Variants in PCDH9 observed in about 807,000 individuals in gnomAD.
PCDH9 encodes the protein protocadherin 9.
PCDH9 carries 24 observed loss-of-function variants against 70.6 expected under a neutral mutation model. The ratio of observed to expected loss-of-function variants is 0.34; its 90% CI spans 0.25 to 0.48. PCDH9 has a LOEUF of 0.48. PCDH9 is among the 20% of genes least tolerant of loss of function. The pLI, the probability that PCDH9 is intolerant of heterozygous loss-of-function variation, is 0.99. For missense variants in PCDH9, 1,281 were observed against 1,503.6 expected (o/e 0.85, Z 2.45); for synonymous variants, 562 against 558.5 (o/e 1.01, Z -0.09).
intron 3 of PCDH9, among the ~76,000 whole-genome samples, chr13:66,737,868 G>A (rs971000831): frequency 6.6e-6 from 1 of 152,110 alleles, no homozygotes; most frequent in Non-Finnish European, 1.5e-5. Flanking sequence ...CTCGTTGATT[G>A]CTAGCACAGC....
intron 2 of PCDH9, among the ~76,000 whole-genome samples, chr13:66,905,890 G>T (rs1478309807): frequency 6.6e-6 from 1 of 152,104 alleles, no homozygotes; most frequent in Non-Finnish European, 1.5e-5. Context: ...CAGGACAAGT[G>T]TTCACTCTAT....
intron 3 of PCDH9, among the ~76,000 whole-genome samples, chr13:66,881,363 C>T (rs551510907): frequency 1.1e-4 from 16 of 152,292 alleles, no homozygotes; most frequent in African/African-American, 3.9e-4. Flanking sequence ...TCACATCTTA[C>T]ATGGATGGCG....
rs137968533 is a variant in PCDH9, at chr13:67,121,881, GTTGTTTTT to G, written c.3036+103516_3036+103523del. Among the ~76,000 whole-genome samples the G allele has an allele frequency of 2.5e-3, 384 of 151,908 alleles. 1 individual carries two copies. The highest frequency in any genetic ancestry group is 8.9e-3 in the African/African-American group (370 of 41,408). On this transcript the variant is annotated intron_variant, in intron 2 of 4. Coordinates refer to ENST00000377865, the MANE Select transcript of PCDH9 (RefSeq NM_203487.3). ...CTAGCTCTAGATTTTTGTTTGTTTT[GTTGTTTTT>G]TTAAAATGGCATCCTTGATTATGAT...
chr13:66,635,028 A>G (rs1403179345), intron 3 of PCDH9, among the ~76,000 whole-genome samples: 2 of 152,094 alleles, frequency 1.3e-5, no homozygotes, highest in Non-Finnish European at 2.9e-5. Flanking sequence ...CAGAGGAAAA[A>G]GTGTTTACTT....
chr13:67,094,958 A>G (rs1225840377), intron 2 of PCDH9, among the ~76,000 whole-genome samples: 1 of 152,206 alleles, frequency 6.6e-6, no homozygotes, highest in Admixed American at 6.5e-5. Flanking sequence ...GCTGAAAAGC[A>G]ACCTATAGTT....
intron 2 of PCDH9, chr13:67,214,296 C>A (rs902203892): frequency 6.6e-6 from 1 of 152,154 alleles, no homozygotes; most frequent in Admixed American, 6.5e-5. Context: ...TACTTTGAGG[C>A]ATTTTAGCTG....
intron 3 of PCDH9, among the ~76,000 whole-genome samples, chr13:66,745,237 C>T (rs1017010648): frequency 3.3e-5 from 5 of 152,268 alleles, no homozygotes; most frequent in African/African-American, 9.6e-5. Flanking sequence ...ATGTCTTACC[C>T]ATTTGAATAT....
intron 3 of PCDH9, chr13:66,876,754 C>T (rs914410746): frequency 6.6e-6 from 1 of 152,018 alleles, no homozygotes; most frequent in Non-Finnish European, 1.5e-5. Context: ...TAAACATCAG[C>T]AGGCAAAATG....
Position 66,555,937 on chromosome 13 carries a change from C to T in PCDH9, c.3340+75273G>A, listed in dbSNP as rs574322040. On this transcript the variant is annotated intron_variant, in intron 4 of 4. Coordinates refer to ENST00000377865, the MANE Select transcript of PCDH9 (RefSeq NM_203487.3). ...ACATATTATATACATAAGATATATA[C>T]ATATTATATATATAAGATATATACA... 1.3e-4 allele frequency among the ~76,000 whole-genome samples: 19 copies of T among 147,648 alleles called. No individual in the cohort carries two copies. In the East Asian group the frequency reaches 3.5e-3, roughly 27 times the overall value.
rs554440594 is a variant in PCDH9 at position 66,450,842 on chromosome 13, C to T, written c.3341-145814G>A. Among the ~76,000 whole-genome samples, 194 of 152,212 alleles carry T rather than the reference C, an allele frequency of 1.3e-3. 1 individual carries two copies. The highest frequency in any genetic ancestry group is 4.5e-3 in the African/African-American group (187 of 41,526). The stretch of plus-strand genomic sequence containing the variant: ...CATCCTGGCTAACATGGTGAAACCC[C>T]TTCTCTACTAAAGAAATACAAAAAA... On this transcript the variant is annotated intron_variant, in intron 4 of 4. Transcript: ENST00000377865.
chr13:66,318,937 G>A (rs1327774815), intron 4 of PCDH9, among the ~76,000 whole-genome samples: 1 of 151,226 alleles, frequency 6.6e-6, no homozygotes, highest in African/African-American at 2.4e-5. Flanking sequence ...GACCAAAAAG[G>A]CTATTATTCT....
chr13:67,203,105 C>T (rs568262161), intron 2 of PCDH9: 19 of 152,200 alleles, frequency 1.2e-4, no homozygotes, highest in African/African-American at 4.3e-4. Flanking sequence ...TAAGACATAG[C>T]AGTCTTTTGA....
intron 2 of PCDH9, among the ~76,000 whole-genome samples, chr13:66,917,529 C>T (rs1403238952): frequency 2.6e-5 from 4 of 151,212 alleles, no homozygotes; most frequent in African/African-American, 9.7e-5. Flanking sequence ...GGGCTCTGGT[C>T]GAATAAATGT....
chr13:67,192,441 A>G (rs559415174), intron 2 of PCDH9, among the ~76,000 whole-genome samples: 1 of 152,208 alleles, frequency 6.6e-6, no homozygotes, highest in African/African-American at 2.4e-5. Flanking sequence ...CCATTTCTAT[A>G]GCACTTTTTG....
chr13:66,764,844 A>C (rs1031113517), intron 3 of PCDH9, among the ~76,000 whole-genome samples: 1 of 152,018 alleles, frequency 6.6e-6, no homozygotes, highest in Non-Finnish European at 1.5e-5. Flanking sequence ...AATTATCAGA[A>C]CTCTGAAATA....
intron 4 of PCDH9, among the ~76,000 whole-genome samples, chr13:66,582,438 G>A (rs2076905212): frequency 6.6e-6 from 1 of 152,052 alleles, no homozygotes; most frequent in Non-Finnish European, 1.5e-5. Context: ...TTCAACACCA[G>A]CCTGGACAAC....
chr13:66,579,042 A>G lies in PCDH9; in HGVS notation c.3340+52168T>C, dbSNP rs2076853841. The stretch of plus-strand genomic sequence containing the variant: ...TGTATGAGATAAAGAAGACCTATAA[A>G]TCAACCAGTAAGGACTGGGACCTGT... On this transcript the variant is annotated intron_variant, in intron 4 of 4. Coordinates refer to ENST00000377865, the MANE Select transcript of PCDH9 (RefSeq NM_203487.3). Among the ~76,000 whole-genome samples the G allele has an allele frequency of 2.0e-5, 3 of 152,200 alleles. No individual in the cohort carries two copies. The South Asian group carries it at 6.2e-4, about 32-fold the overall frequency.
rs1219651539 is a variant in PCDH9, at chr13:67,226,039, C to A, written c.2402G>T (p.Gly801Val). Residue 801 changes from glycine (G) to valine (V), a missense_variant, in exon 2 of 5, where the codon GGG becomes GTG. This residue lies in a region of PCDH9 where 798 missense variants were observed against 1,003.1 expected (regional missense o/e 0.80). Coordinates refer to ENST00000377865, the MANE Select transcript of PCDH9 (RefSeq NM_203487.3). The surrounding 1 kb of genome is among the most constrained non-coding windows in gnomAD (Gnocchi z 5.0). ...TMETPLDRNIGDSSQPYQNED... is the reference protein window; with the variant it reads ...TMETPLDRNIVDSSQPYQNED... ...ATTTTGATAGGGTTGGCTACTATCC[C>A]CTATGTTCCTGTCCAACGGGGTCTC... 1 of 1,613,868 alleles carries A rather than the reference C, an allele frequency of 6.2e-7. No individual in the cohort carries two copies. Among genetic ancestry groups the A allele is most frequent in the Non-Finnish European group, 8.5e-7 (1 of 1,179,978 alleles).
rs555668699 is a variant in PCDH9, at chr13:66,473,288, G to A, written c.3340+157922C>T. On this transcript the variant is annotated intron_variant, in intron 4 of 4. Coordinates refer to ENST00000377865, the MANE Select transcript of PCDH9 (RefSeq NM_203487.3). ...AGAAAACAAGGAAAAAAATAGCAGG[G>A]AATGGGAATTGATATATCGATATTT... 3.6e-4 allele frequency among the ~76,000 whole-genome samples: 55 copies of A among 151,932 alleles called. No individual in the cohort carries two copies. The South Asian group carries it at 0.011, about 30-fold the overall frequency.
Sources: allele counts gnomAD v4.1 joint callset (sites outside exome capture counted in the v4.1 genomes callset), GRCh38; gene constraint gnomAD v4.1.1; regional missense constraint gnomAD v4.1.1; non-coding constraint Gnocchi (gnomAD v3.1); transcripts MANE v1.5; gene names NCBI Gene and HGNC (gene_info 2026-07-23, HGNC 2026-07-21).